The following TMEM163 variants were observed in gnomAD, a reference collection of about 807,000 sequenced individuals.
TMEM163 encodes the protein transmembrane protein 163.
A neutral mutation model predicts 29.3 loss-of-function variants in TMEM163; 17 were observed. The observed-to-expected ratio is 0.58, with a 90% CI of 0.40 to 0.87. The LOEUF (loss-of-function observed/expected upper bound fraction) is 0.87, where lower values mean the gene tolerates loss of function less well. Among genes scored for constraint, TMEM163 ranks in the 40% least tolerant of loss-of-function variants. TMEM163 has a pLI of 0.00. For missense variants in TMEM163, 303 were observed against 381.5 expected, an observed-to-expected ratio of 0.79 and a Z score of 1.71; for synonymous variants, 157 against 160.6, an observed-to-expected ratio of 0.98 and a Z score of 0.17.
chr2:134,576,026 G>A (rs1574250468), intron 2 of TMEM163, among the ~76,000 whole-genome samples: 1 of 152,148 alleles, frequency 6.6e-6, no homozygotes, highest in East Asian at 1.9e-4. Flanking sequence ...CATGGGCACA[G>A]TAAGATGAGG....
intron 2 of TMEM163, among the ~76,000 whole-genome samples, chr2:134,562,352 C>T (rs1353865959): frequency 1.3e-5 from 2 of 152,218 alleles, no homozygotes; most frequent in Non-Finnish European, 2.9e-5. Context: ...TTAAACTGAA[C>T]AAGACTGGAA....
chr2:134,664,966 C>T (rs1184108127), intron 2 of TMEM163, among the ~76,000 whole-genome samples: 1 of 152,070 alleles, frequency 6.6e-6, no homozygotes, highest in Non-Finnish European at 1.5e-5. Flanking sequence ...ACGAATTCCC[C>T]GGCTCAAGCG....
chr2:134,599,291 G>T (rs923797168), intron 2 of TMEM163, among the ~76,000 whole-genome samples: 1 of 152,172 alleles, frequency 6.6e-6, no homozygotes, highest in Non-Finnish European at 1.5e-5. Context: ...CCTTAAACAT[G>T]TAAAGAGTAG....
At chr2:134,712,480 C>T (rs953407444) in intron 2 of TMEM163, among the ~76,000 whole-genome samples, 6 of 150,666 alleles carry the variant, frequency 4.0e-5, no homozygotes, top group African/African-American at 1.5e-4. Flanking sequence ...AAAAACAAAA[C>T]ACCACGGGTT....
At chr2:134,558,449 T>C (rs1242353760) in intron 2 of TMEM163, among the ~76,000 whole-genome samples, 1 of 152,192 alleles carries the variant, frequency 6.6e-6, no homozygotes, top group African/African-American at 2.4e-5. Flanking sequence ...GACCAGACCT[T>C]CTTTAACTAA....
intron 2 of TMEM163, among the ~76,000 whole-genome samples, chr2:134,561,062 A>G (rs1426179678): frequency 6.6e-6 from 1 of 152,246 alleles, no homozygotes; most frequent in Non-Finnish European, 1.5e-5. Flanking sequence ...CCCTGAAGGC[A>G]CAGTTAACCA....
At position 134,458,077 on chromosome 2, in the gene TMEM163, C is replaced by T; in HGVS notation, c.764G>A (p.Ser255Asn). The change falls in exon 7 of 8, where the codon AGC becomes AAC. Residue 255 changes from serine (S) to asparagine (N), a missense_variant. This residue lies in a region of TMEM163 where 203 missense variants were observed against 294.3 expected (regional missense o/e 0.69). Coordinates refer to ENST00000281924, the MANE Select transcript of TMEM163 (RefSeq NM_030923.5). ...GGTGAGGCCGATCAGAACGCCTATG[C>T]TGCCGTCCAGGTACCAGACCGCCGA... ...HDSAVWYLDG[S>N]IGVLIGLTIF... is the part of the protein sequence containing the mutation. The T allele has an allele frequency of 3.1e-6, 5 of 1,614,206 alleles. No homozygotes were observed. The highest frequency in any genetic ancestry group is 3.4e-6 in the Non-Finnish European group (4 of 1,180,036).
intron 5 of TMEM163, among the ~76,000 whole-genome samples, chr2:134,472,175 T>C (rs1406197988): frequency 6.6e-6 from 1 of 152,180 alleles, no homozygotes; most frequent in African/African-American, 2.4e-5. Flanking sequence ...AGCAAAGCCA[T>C]AAAAGATTGA....
intron 2 of TMEM163, among the ~76,000 whole-genome samples, chr2:134,560,163 G>A (rs79275826): frequency 6.6e-6 from 1 of 152,074 alleles, no homozygotes; most frequent in Non-Finnish European, 1.5e-5. Context: ...ACCTGCCCTC[G>A]TTCCCAATCT....
chr2:134,690,290 A>ATT (rs34853089), intron 2 of TMEM163, among the ~76,000 whole-genome samples: 89 of 142,992 alleles, frequency 6.2e-4, no homozygotes, highest in Admixed American at 1.4e-3. Context: ...TACATCAGCA[A>ATT]TTTTTTTTTT....
intron 2 of TMEM163, among the ~76,000 whole-genome samples, chr2:134,633,980 T>G (rs1415350169): frequency 7.2e-5 from 1 of 13,968 alleles, no homozygotes; most frequent in Non-Finnish European, 1.4e-4. Context: ...TATATATATA[T>G]ATATATATAT....
At chr2:134,555,564 G>A (rs184854387) in intron 2 of TMEM163, among the ~76,000 whole-genome samples, 5 of 152,196 alleles carry the variant, frequency 3.3e-5, no homozygotes, top group South Asian at 4.1e-4. Flanking sequence ...ACAAAGAGAC[G>A]GGCGACCAGG....
chr2:134,533,206 C>T (rs1054505223), intron 4 of TMEM163, among the ~76,000 whole-genome samples: 5 of 152,134 alleles, frequency 3.3e-5, no homozygotes, highest in Non-Finnish European at 5.9e-5. Flanking sequence ...CTATAGCCAA[C>T]AGAAGAACTC....
intron 4 of TMEM163, among the ~76,000 whole-genome samples, chr2:134,533,953 G>A (rs1680472695): frequency 6.6e-6 from 1 of 152,146 alleles, no homozygotes; most frequent in Non-Finnish European, 1.5e-5. Context: ...CCTACTCAGT[G>A]ACCTTCCTTG....
Position 134,534,276 on chromosome 2 carries a change from A to T in TMEM163, c.458+16294T>A, listed in dbSNP as rs545200138. On this transcript the variant is annotated intron_variant, in intron 4 of 7. Coordinates refer to ENST00000281924, the MANE Select transcript of TMEM163 (RefSeq NM_030923.5). ...TGATTGATAAAACTGGACTTTTTTA[A>T]AAAAAATGCTACCTTCTCACATAGG... is the stretch of plus-strand genomic sequence containing the variant. 4.2e-3 allele frequency among the ~76,000 whole-genome samples: 638 copies of T among 151,744 alleles called. 8 individuals are homozygous for T. The highest frequency in any genetic ancestry group is 0.015 in the African/African-American group (613 of 41,358).
In TMEM163 at chr2:134,529,160, G is replaced by A. The variant is rs528689928; in HGVS notation, c.458+21410C>T. Reference sequence around the variant, plus strand: ...AGCCTGGCCAACATGGTGAAACCCCGTCTCTACTAAAAATAAAAAAATTAG... The same window carrying A: ...AGCCTGGCCAACATGGTGAAACCCCATCTCTACTAAAAATAAAAAAATTAG... On this transcript the variant is annotated intron_variant, in intron 4 of 7. Coordinates refer to ENST00000281924, the MANE Select transcript of TMEM163 (RefSeq NM_030923.5). 3.1e-3 allele frequency among the ~76,000 whole-genome samples: 466 copies of A among 148,946 alleles called. 3 individuals carry two copies. Among genetic ancestry groups the A allele is most frequent in the Middle Eastern group, 7.6e-3 (2 of 264 alleles).
rs1407678511 is a variant in TMEM163, at chr2:134,650,991, C to A, written c.322+62209G>T. Among the ~76,000 whole-genome samples the A allele has an allele frequency of 1.9e-5, 2 of 104,178 alleles. 1 individual carries two copies. The highest frequency in any genetic ancestry group is 3.6e-5 in the Non-Finnish European group (2 of 55,554). 68.3% of individuals were successfully genotyped at this position (104,178 alleles called of 152,430 possible). On this transcript the variant is annotated intron_variant, in intron 2 of 7. Transcript: ENST00000281924. ...CAAGTCTTTGCTATTGTGAATAATGCCGCAATAAACATACGTGTGCATGTG... is the reference window on the plus strand; with the variant it reads ...CAAGTCTTTGCTATTGTGAATAATGACGCAATAAACATACGTGTGCATGTG...
At chr2:134,567,555 G>T (rs1681324867) in intron 2 of TMEM163, among the ~76,000 whole-genome samples, 1 of 152,098 alleles carries the variant, frequency 6.6e-6, no homozygotes, top group African/African-American at 2.4e-5. Flanking sequence ...GCCGAGTATG[G>T]TGGCACAAGC....
chr2:134,498,354 C>CTTTTTT (rs765734718), intron 5 of TMEM163, among the ~76,000 whole-genome samples: 5 of 115,462 alleles, frequency 4.3e-5, no homozygotes, highest in Non-Finnish European at 8.8e-5. Flanking sequence ...TGCATGTGGG[C>CTTTTTT]TTTTTTTTTT....
Sources: gnomAD v4.1 joint callset for allele counts (sites outside exome capture counted in the v4.1 genomes callset) on GRCh38, gnomAD v4.1.1 for gene constraint, gnomAD v4.1.1 regional missense constraint, MANE v1.5 for transcripts, NCBI Gene and HGNC (gene_info 2026-07-23, HGNC 2026-07-21) for gene names.